Variants in KYNU observed in about 807,000 individuals in gnomAD.
KYNU encodes the protein kynureninase, also known as L-kynurenine hydrolase.
KYNU carries 54 observed loss-of-function variants against 59.2 expected under a neutral mutation model. The ratio of observed to expected loss-of-function variants is 0.91; its 90% CI spans 0.73 to 1.14. The LOEUF (loss-of-function observed/expected upper bound fraction) is 1.14. Ranked by LOEUF, KYNU falls within the 50% of genes most tolerant of loss-of-function variation. The pLI, the probability that KYNU is intolerant of heterozygous loss-of-function variation, is 0.00. For synonymous variants in KYNU, 177 were observed against 192.0 expected (o/e 0.92, Z 0.65); for missense variants, 567 against 554.4 (o/e 1.02, Z -0.23).
intron 7 of KYNU, among the ~76,000 whole-genome samples, chr2:142,959,631 A>C (rs16858402): frequency 0.097 from 14,817 of 152,164 alleles, 932 homozygotes; most frequent in East Asian, 0.33. Context: ...GCTAGGATAC[A>C]GGATACACAT....
rs992089319 is a variant in KYNU, at chr2:143,042,961, T to G, written c.*789T>G. ...GATAAAATAGTCTAAATAGCAAAAA[T>G]AAAAGTTTTTACAATTATTTGCCTG... On this transcript the variant is annotated 3_prime_UTR_variant, in exon 14 of 14. Coordinates refer to ENST00000264170, the MANE Select transcript of KYNU (RefSeq NM_003937.3). 6.6e-6 allele frequency: 1 copy of G among 151,712 alleles called. No homozygotes were observed. Among genetic ancestry groups the G allele is most frequent in the African/African-American group, 2.4e-5 (1 of 41,338 alleles). 9.4% of individuals were successfully genotyped at this position (151,712 alleles called of 1,614,324 possible).
intron 10 of KYNU, among the ~76,000 whole-genome samples, chr2:142,999,981 T>C (rs1312398335): frequency 6.6e-6 from 1 of 152,160 alleles, no homozygotes; most frequent in Non-Finnish European, 1.5e-5. Flanking sequence ...TTCATTAAGA[T>C]TGAAGATCAA....
rs374401375 is a variant in KYNU at position 143,042,149 on chromosome 2, G to C, written c.1375G>C (p.Asp459His). 54 of 1,609,714 alleles carry C rather than the reference G, an allele frequency of 3.4e-5. No individual in the cohort carries two copies. The highest frequency in any genetic ancestry group is 4.2e-5 in the Non-Finnish European group (50 of 1,178,342). Reference sequence around the variant, plus strand: ...TACCAATCTGCTCACTTCTATACTTGACTCTGCAGAAACAAAAAATTAGCA... The same window carrying C: ...TACCAATCTGCTCACTTCTATACTTCACTCTGCAGAAACAAAAAATTAGCA... The part of the protein sequence containing the change: ...KFTNLLTSIL[D>H]SAETKN Residue 459 changes from aspartate to histidine, a missense_variant, in exon 14 of 14, where the codon GAC becomes CAC. Asp to His is a moderately conservative substitution (Grantham distance 81). Transcript: ENST00000264170.
chr2:142,957,618 A>C (rs770626876), intron 6 of KYNU, 23 bp from the exon 7 acceptor site: 4 of 1,453,628 alleles, frequency 2.8e-6, no homozygotes, highest in South Asian at 1.1e-5. Flanking sequence ...TGATTTGATA[A>C]ATACATCATC....
chr2:142,987,322 G>T (rs188254113), intron 10 of KYNU, among the ~76,000 whole-genome samples: 13 of 151,728 alleles, frequency 8.6e-5, no homozygotes, highest in Admixed American at 3.3e-4. Flanking sequence ...GAGGTGGGGT[G>T]GGGGGGAAGA....
chr2:143,015,493 T>G (rs1341936556), intron 10 of KYNU, among the ~76,000 whole-genome samples: 1 of 152,082 alleles, frequency 6.6e-6, no homozygotes, highest in Non-Finnish European at 1.5e-5. Context: ...GATCAGTACT[T>G]AAATGCTGGA....
chr2:143,027,945 G>C (rs1686624046), intron 10 of KYNU, among the ~76,000 whole-genome samples: 1 of 151,724 alleles, frequency 6.6e-6, no homozygotes, highest in Admixed American at 6.6e-5. Flanking sequence ...ATCATATAAA[G>C]CATATAAGAT....
chr2:142,976,926 A>ACTG lies in KYNU; in HGVS notation c.730-8158_730-8157insCTG, dbSNP rs577790721. On this transcript the variant is annotated intron_variant, in intron 8 of 13. Transcript: ENST00000264170. Reference sequence around the variant, plus strand: ...CTTCCAGGTCATAGGTAGATTTGAAAATATTTTTGGTAACTGGTTGAAAGA... The same window carrying ACTG: ...CTTCCAGGTCATAGGTAGATTTGAAACTGATATTTTTGGTAACTGGTTGAAAGA... 4.0e-3 allele frequency among the ~76,000 whole-genome samples: 613 copies of ACTG among 152,276 alleles called. 4 individuals are homozygous for ACTG. The highest frequency in any genetic ancestry group is 0.014 in the African/African-American group (583 of 41,568).
At chr2:142,914,333 A>T (rs1277879595) in intron 2 of KYNU, among the ~76,000 whole-genome samples, 4 of 152,132 alleles carry the variant, frequency 2.6e-5, no homozygotes, top group Non-Finnish European at 4.4e-5. Context: ...TTTCTTGTTG[A>T]ATCCCAACAT....
intron 2 of KYNU, among the ~76,000 whole-genome samples, chr2:142,899,618 C>A (rs1301585860): frequency 6.7e-6 from 1 of 149,258 alleles, no homozygotes. Flanking sequence ...AGGAGGAGTG[C>A]CTTTGATGTC....
intron 8 of KYNU, among the ~76,000 whole-genome samples, chr2:142,965,618 G>A (rs539609792): frequency 4.6e-5 from 7 of 152,180 alleles, no homozygotes; most frequent in Non-Finnish European, 1.0e-4. Flanking sequence ...GAAGCAGCAG[G>A]GCAGCTTCAT....
intron 2 of KYNU, among the ~76,000 whole-genome samples, chr2:142,905,806 A>G (rs1452420895): frequency 7.9e-5 from 12 of 152,342 alleles, no homozygotes; most frequent in African/African-American, 2.9e-4. Flanking sequence ...ACAGGTTGTC[A>G]GTGGTCTCAG....
intron 8 of KYNU, among the ~76,000 whole-genome samples, chr2:142,961,654 T>A (rs1309097844): frequency 6.6e-6 from 1 of 152,132 alleles, no homozygotes; most frequent in Non-Finnish European, 1.5e-5. Context: ...AATGAGAGCT[T>A]TTTTTCCTAC....
intron 8 of KYNU, among the ~76,000 whole-genome samples, chr2:142,977,153 A>G (rs960500015): frequency 6.6e-6 from 1 of 152,144 alleles, no homozygotes; most frequent in Non-Finnish European, 1.5e-5. Context: ...TCATGGCTTG[A>G]ACTAGCTTCT....
intron 3 of KYNU, among the ~76,000 whole-genome samples, chr2:142,925,179 G>T (rs574593636): frequency 6.6e-6 from 1 of 152,052 alleles, no homozygotes; most frequent in Non-Finnish European, 1.5e-5. Flanking sequence ...AAATAAAAAA[G>T]GATCCAAGTA....
intron 2 of KYNU, among the ~76,000 whole-genome samples, chr2:142,917,155 C>T (rs1228517740): frequency 6.6e-6 from 1 of 151,552 alleles, no homozygotes; most frequent in African/African-American, 2.4e-5. Flanking sequence ...TCCTGACTTG[C>T]CTTTGGGAAA....
chr2:143,017,434 C>CTTTTTTTTTTTTTTTTTTTTTTTT (rs1184177776), intron 10 of KYNU, among the ~76,000 whole-genome samples: 1 of 68,448 alleles, frequency 1.5e-5, no homozygotes, highest in Non-Finnish European at 2.6e-5. Context: ...TCTCTTTTTT[C>CTTTTTTTTTTTTTTTTTTTTTTTT]TTTTTTTTTT....
At chr2:142,942,277 C>T (rs1020839431) in intron 4 of KYNU, among the ~76,000 whole-genome samples, 4 of 151,938 alleles carry the variant, frequency 2.6e-5, no homozygotes, top group Admixed American at 6.6e-5. Context: ...TGCAGCTTCC[C>T]GTTTTGCCTT....
At chr2:142,909,161 G>GT (rs377067045) in intron 2 of KYNU, among the ~76,000 whole-genome samples, 20,659 of 149,148 alleles carry the variant, frequency 0.14, 1,716 homozygotes, top group East Asian at 0.26. Context: ...CATATATCAA[G>GT]TTTTTTTTTT....
Sources: allele counts gnomAD v4.1 joint callset (sites outside exome capture counted in the v4.1 genomes callset), GRCh38; gene constraint gnomAD v4.1.1; transcripts MANE v1.5; gene names NCBI Gene and HGNC (gene_info 2026-07-23, HGNC 2026-07-21).